The following SYT2 variants were observed in gnomAD, a reference collection of about 807,000 sequenced individuals.
The protein encoded by SYT2 is synaptotagmin-2.
SYT2 carries 15 observed loss-of-function variants against 39.9 expected under a neutral mutation model. That is an observed-to-expected ratio of 0.38 (90% confidence interval 0.25 to 0.58). SYT2 has a LOEUF of 0.58. SYT2 is among the 20% of genes least tolerant of loss of function. The pLI is 0.70. For synonymous variants in SYT2, 181 were observed against 204.5 expected (o/e 0.89, Z 0.98); for missense variants, 389 against 530.3 (o/e 0.73, Z 2.62).
At chr1:202,654,956 T>C (rs886167908) in intron 1 of SYT2, among the ~76,000 whole-genome samples, 2 of 152,022 alleles carry the variant, frequency 1.3e-5, no homozygotes, top group African/African-American at 4.8e-5. Context: ...GACTTTGGTA[T>C]TGGGTTGGGG....
At chr1:202,707,676 G>A (rs1357309558) in intron 1 of SYT2, among the ~76,000 whole-genome samples, 1 of 152,234 alleles carries the variant, frequency 6.6e-6, no homozygotes, top group Non-Finnish European at 1.5e-5. Context: ...CCTGCTTCCA[G>A]TGCACTCACT....
intron 1 of SYT2, among the ~76,000 whole-genome samples, chr1:202,696,453 A>G (rs11587775): frequency 0.3 from 45,650 of 152,186 alleles, 7,129 homozygotes; most frequent in South Asian, 0.43. Flanking sequence ...AGCACTTTTT[A>G]CTTCATTCCA....
intron 1 of SYT2, among the ~76,000 whole-genome samples, chr1:202,683,291 A>G (rs571029641): frequency 2.0e-5 from 3 of 152,370 alleles, no homozygotes; most frequent in Non-Finnish European, 4.4e-5. Flanking sequence ...CCAGACTGGA[A>G]ACAACACAAA....
intron 1 of SYT2, among the ~76,000 whole-genome samples, chr1:202,619,288 CTCTG>C (rs1270160412): frequency 6.6e-6 from 1 of 152,174 alleles, no homozygotes; most frequent in Admixed American, 6.5e-5. Flanking sequence ...GAGTGAACTC[CTCTG>C]TCTGGTCAGA....
chr1:202,629,274 T>C (rs1691502517), intron 1 of SYT2, among the ~76,000 whole-genome samples: 1 of 152,204 alleles, frequency 6.6e-6, no homozygotes, highest in South Asian at 2.1e-4. Flanking sequence ...AGGCCTCTCT[T>C]GAGCCATTGC....
At chr1:202,609,492 G>A (rs542379320) in intron 1 of SYT2, among the ~76,000 whole-genome samples, 4 of 152,240 alleles carry the variant, frequency 2.6e-5, no homozygotes, top group African/African-American at 9.6e-5. Flanking sequence ...GGTTGAACTA[G>A]TACAGTCCCA....
At chr1:202,704,967 C>T (rs1328309678) in intron 1 of SYT2, among the ~76,000 whole-genome samples, 2 of 152,374 alleles carry the variant, frequency 1.3e-5, no homozygotes, top group South Asian at 2.1e-4. Context: ...CAAGGAATCA[C>T]TGCCTAATTT....
intron 1 of SYT2, among the ~76,000 whole-genome samples, chr1:202,656,116 G>A (rs1166035862): frequency 5.4e-5 from 8 of 148,768 alleles, no homozygotes; most frequent in African/African-American, 2.0e-4. Flanking sequence ...GGGAAAGCGG[G>A]CTTTGGAACG....
At chr1:202,634,963 G>T (rs1004502812) in intron 1 of SYT2, among the ~76,000 whole-genome samples, 1 of 152,214 alleles carries the variant, frequency 6.6e-6, no homozygotes, top group African/African-American at 2.4e-5. Context: ...ATCGTGGTAT[G>T]GTTGTGCAGT....
At chr1:202,701,233 C>T (rs779980066) in intron 1 of SYT2, among the ~76,000 whole-genome samples, 1 of 152,184 alleles carries the variant, frequency 6.6e-6, no homozygotes, top group Non-Finnish European at 1.5e-5. Context: ...TCACTTCGTT[C>T]ATTTTTGCAA....
intron 1 of SYT2, among the ~76,000 whole-genome samples, chr1:202,699,786 C>G (rs1220334042): frequency 1.3e-5 from 2 of 151,540 alleles, no homozygotes; most frequent in Non-Finnish European, 2.9e-5. Context: ...TGAGGTCCTG[C>G]TGCACAGGCA....
intron 1 of SYT2, among the ~76,000 whole-genome samples, chr1:202,637,186 C>A (rs1443667878): frequency 6.6e-6 from 1 of 151,996 alleles, no homozygotes; most frequent in Non-Finnish European, 1.5e-5. Context: ...CAAAGAAAAA[C>A]CTCCCAAAAC....
intron 1 of SYT2, among the ~76,000 whole-genome samples, chr1:202,707,448 C>T (rs543323156): frequency 1.3e-3 from 204 of 152,256 alleles, no homozygotes; most frequent in Non-Finnish European, 2.4e-3. Flanking sequence ...CCACCCTGGA[C>T]CTTCAGTGGT....
intron 1 of SYT2, among the ~76,000 whole-genome samples, chr1:202,661,271 C>A (rs1401128022): frequency 6.6e-6 from 1 of 151,848 alleles, no homozygotes; most frequent in Non-Finnish European, 1.5e-5. Flanking sequence ...TTCCAAATCC[C>A]AAGCTAGAGG....
intron 1 of SYT2, among the ~76,000 whole-genome samples, chr1:202,651,842 C>T (rs1041388416): frequency 2.0e-5 from 3 of 152,190 alleles, no homozygotes; most frequent in East Asian, 3.9e-4. Flanking sequence ...AGGCAGATCA[C>T]GAGGTCAAGA....
At chr1:202,631,529 C>T (rs1691592552) in intron 1 of SYT2, among the ~76,000 whole-genome samples, 1 of 152,170 alleles carries the variant, frequency 6.6e-6, no homozygotes, top group South Asian at 2.1e-4. Context: ...AAAAATCACA[C>T]CACATCTTTG....
At chr1:202,639,534 A>C (rs1691842172) in intron 1 of SYT2, 1 of 985,224 alleles carries the variant, frequency 1.0e-6, no homozygotes, top group Admixed American at 6.1e-5. Flanking sequence ...CTCATCTAAC[A>C]CATCTCTGTG....
intron 1 of SYT2, chr1:202,632,108 G>A: frequency 2.0e-6 from 2 of 983,940 alleles, no homozygotes; most frequent in South Asian, 4.7e-5. Context: ...GGTGGCACCA[G>A]AGAAGGAGCC....
intron 1 of SYT2, among the ~76,000 whole-genome samples, chr1:202,637,028 A>G (rs1319189351): frequency 2.0e-5 from 3 of 152,190 alleles, no homozygotes; most frequent in African/African-American, 7.2e-5. Context: ...TCACTAAAAC[A>G]TGGACTAGGG....
Sources: gnomAD v4.1 joint callset for allele counts (sites outside exome capture counted in the v4.1 genomes callset) on GRCh38, gnomAD v4.1.1 for gene constraint, MANE v1.5 for transcripts, NCBI Gene and HGNC (gene_info 2026-07-23, HGNC 2026-07-21) for gene names.